Variants in CLCN5 observed in about 807,000 individuals in gnomAD.
The protein encoded by CLCN5 is H(+)/Cl(-) exchange transporter 5.
A neutral mutation model predicts 54.0 loss-of-function variants in CLCN5; 17 were observed. The ratio of observed to expected loss-of-function variants is 0.31; its 90% CI spans 0.22 to 0.47. The LOEUF (loss-of-function observed/expected upper bound fraction) is 0.47. Among genes scored for constraint, CLCN5 ranks in the 20% least tolerant of loss-of-function variants. The pLI, the probability that CLCN5 is intolerant of heterozygous loss-of-function variation, is 1.00. For synonymous variants in CLCN5, 222 were observed against 233.0 expected, an observed-to-expected ratio of 0.95 and a Z score of 0.43; for missense variants, 448 against 646.7, an observed-to-expected ratio of 0.69 and a Z score of 3.33.
At chrX:49,989,827 T>G (rs1347829819) in intron 3 of CLCN5, among the ~76,000 whole-genome samples, 1 of 112,396 alleles carries the variant, frequency 8.9e-6, no homozygotes, top group Non-Finnish European at 1.9e-5. Flanking sequence ...AACATTCATA[T>G]TCACATGCCA....
intron 3 of CLCN5, among the ~76,000 whole-genome samples, chrX:49,929,247 A>G (rs1557168496): frequency 8.9e-6 from 1 of 111,830 alleles, no homozygotes; most frequent in Admixed American, 9.5e-5. Context: ...AAATGGGGCC[A>G]ACATTATTTT....
intron 3 of CLCN5, among the ~76,000 whole-genome samples, chrX:49,956,400 T>C (rs1481786970): frequency 8.9e-6 from 1 of 112,508 alleles, no homozygotes; most frequent in African/African-American, 3.2e-5. Flanking sequence ...AAGATGGGGA[T>C]AGTAGTATCT....
chrX:50,011,433 A>G (rs1930497492), intron 3 of CLCN5, among the ~76,000 whole-genome samples: 1 of 112,386 alleles, frequency 8.9e-6, no homozygotes, highest in Non-Finnish European at 1.9e-5. Flanking sequence ...AAGTAGATCT[A>G]TATGTTCCTT....
intron 4 of CLCN5, among the ~76,000 whole-genome samples, chrX:50,063,439 C>T (rs781863848): frequency 5.9e-4 from 64 of 108,392 alleles, no homozygotes; most frequent in Non-Finnish European, 1.1e-3. Context: ...GACACATACA[C>T]TCTCCCAAGA....
intron 3 of CLCN5, among the ~76,000 whole-genome samples, chrX:49,942,092 T>G (rs1298283603): frequency 1.9e-5 from 2 of 104,750 alleles, no homozygotes; most frequent in African/African-American, 7.0e-5. Context: ...ACCCCAGTTT[T>G]GAACTCAATA....
At chrX:50,065,897 T>C (rs2147531124) in intron 4 of CLCN5, among the ~76,000 whole-genome samples, 1 of 98,217 alleles carries the variant, frequency 1.0e-5, no homozygotes, top group African/African-American at 3.9e-5. Flanking sequence ...TCATTCTCAG[T>C]AAACTATCGC....
At chrX:49,970,347 A>G (rs891777772) in intron 3 of CLCN5, among the ~76,000 whole-genome samples, 2 of 111,172 alleles carry the variant, frequency 1.8e-5, no homozygotes, top group Non-Finnish European at 3.8e-5. Flanking sequence ...TTGGGCAACC[A>G]TCACCACAAT....
At chrX:50,033,625 A>G (rs1351591665) in intron 3 of CLCN5, among the ~76,000 whole-genome samples, 1 of 111,346 alleles carries the variant, frequency 9.0e-6, no homozygotes, top group African/African-American at 3.3e-5. Flanking sequence ...TGCCATCCCC[A>G]TCAAGCTACC....
At chrX:49,996,164 C>T (rs1929512382) in intron 3 of CLCN5, among the ~76,000 whole-genome samples, 2 of 112,160 alleles carry the variant, frequency 1.8e-5, no homozygotes, top group African/African-American at 6.5e-5. Flanking sequence ...TCTATCAGCT[C>T]AGCTGTCATA....
intron 3 of CLCN5, among the ~76,000 whole-genome samples, chrX:50,007,969 C>T (rs1413622745): frequency 8.9e-6 from 1 of 112,001 alleles, no homozygotes; most frequent in Non-Finnish European, 1.9e-5. Context: ...TAGTGATTCT[C>T]CCAGTGTAGT....
chrX:50,091,412 T>G (rs1934095440), intron 14 of CLCN5, among the ~76,000 whole-genome samples: 1 of 112,166 alleles, frequency 8.9e-6, no homozygotes, highest in Non-Finnish European at 1.9e-5. Context: ...CTATTTTTAT[T>G]GGAAAAGAAA....
intron 3 of CLCN5, among the ~76,000 whole-genome samples, chrX:49,966,053 T>C (rs1321927542): frequency 1.8e-5 from 2 of 108,903 alleles, no homozygotes; most frequent in African/African-American, 3.5e-5. Context: ...GGACTTCAGT[T>C]TTTTTTTCTC....
At chrX:50,043,372 T>G (rs943992560) in intron 4 of CLCN5, among the ~76,000 whole-genome samples, 2 of 112,213 alleles carry the variant, frequency 1.8e-5, no homozygotes, top group African/African-American at 6.5e-5. Context: ...ACCTTGCATC[T>G]ATGTCTTCTA....
intron 4 of CLCN5, among the ~76,000 whole-genome samples, chrX:50,066,276 A>C (rs1490437425): frequency 9.3e-6 from 1 of 107,915 alleles, no homozygotes; most frequent in Non-Finnish European, 1.9e-5. Context: ...GCTCATGGCC[A>C]CTTAATACAG....
At chrX:49,965,675 G>A (rs928650968) in intron 3 of CLCN5, among the ~76,000 whole-genome samples, 6 of 111,941 alleles carry the variant, frequency 5.4e-5, no homozygotes, top group African/African-American at 1.9e-4. Context: ...TGAGAACCTT[G>A]CCTTGTTCCT....
intron 4 of CLCN5, among the ~76,000 whole-genome samples, chrX:50,064,010 C>G (rs1328007255): frequency 9.4e-6 from 1 of 106,870 alleles, no homozygotes; most frequent in Non-Finnish European, 1.9e-5. Flanking sequence ...GGACGTATGT[C>G]AAAATAATAA....
At chrX:50,040,241 G>A (rs1557186986) in intron 3 of CLCN5, among the ~76,000 whole-genome samples, 1 of 112,189 alleles carries the variant, frequency 8.9e-6, no homozygotes, top group Non-Finnish European at 1.9e-5. Flanking sequence ...GTCCAGCAAG[G>A]TTGGATTGGT....
At chrX:50,078,581 ATAGTTCATTG>A (rs1423898380) in intron 7 of CLCN5, among the ~76,000 whole-genome samples, 1 of 112,574 alleles carries the variant, frequency 8.9e-6, no homozygotes, top group African/African-American at 3.2e-5. Flanking sequence ...CATGTAGTTC[ATAGTTCATTG>A]CCATTTTGTC....
chrX:50,083,696 G>C (rs1438694902), intron 9 of CLCN5, among the ~76,000 whole-genome samples: 1 of 111,512 alleles, frequency 9.0e-6, no homozygotes, highest in African/African-American at 3.3e-5. Flanking sequence ...CAATTCTTCA[G>C]AAAAAAATAG....
Sources: gnomAD v4.1 joint callset for allele counts (sites outside exome capture counted in the v4.1 genomes callset) on GRCh38, gnomAD v4.1.1 for gene constraint, MANE v1.5 for transcripts, NCBI Gene and HGNC (gene_info 2026-07-23, HGNC 2026-07-21) for gene names.